The following ITFG1 variants were observed in gnomAD, a reference collection of about 807,000 sequenced individuals.
ITFG1 encodes integrin alpha FG-GAP repeat containing 1.
Under a neutral mutation model 81.8 loss-of-function variants are expected in ITFG1, and 34 were observed. That is an observed-to-expected ratio of 0.42 (90% CI 0.32 to 0.55). ITFG1 has a LOEUF of 0.55. Among genes scored for constraint, ITFG1 ranks in the 20% least tolerant of loss-of-function variants. The pLI, the probability that ITFG1 is intolerant of heterozygous loss-of-function variation, is 0.17. For missense variants in ITFG1, 672 were observed against 755.4 expected (o/e 0.89, Z 1.29); for synonymous variants, 285 against 270.6 (o/e 1.05, Z -0.52).
At chr16:47,299,204 A>ATGCT (rs1967034313) in intron 10 of ITFG1, among the ~76,000 whole-genome samples, 1 of 152,174 alleles carries the variant, frequency 6.6e-6, no homozygotes, top group African/African-American at 2.4e-5. Flanking sequence ...TTAGGCTGCA[A>ATGCT]TGCTGTTTAC....
At chr16:47,286,485 C>G (rs922189667) in intron 10 of ITFG1, among the ~76,000 whole-genome samples, 1 of 151,882 alleles carries the variant, frequency 6.6e-6, no homozygotes, top group Non-Finnish European at 1.5e-5. Flanking sequence ...ACTAAAAATA[C>G]AAAAATTAGC....
intron 8 of ITFG1, among the ~76,000 whole-genome samples, chr16:47,346,557 A>T (rs1967857806): frequency 6.6e-6 from 1 of 152,216 alleles, no homozygotes; most frequent in Non-Finnish European, 1.5e-5. Flanking sequence ...CAAAGAGAAT[A>T]CTTAAAATCA....
intron 14 of ITFG1, among the ~76,000 whole-genome samples, chr16:47,195,474 A>G (rs562218372): frequency 7.9e-5 from 12 of 152,302 alleles, no homozygotes; most frequent in African/African-American, 2.6e-4. Flanking sequence ...GTACACTGCT[A>G]CTATTATTAC....
chr16:47,348,708 A>G (rs1967899346), intron 8 of ITFG1, among the ~76,000 whole-genome samples: 1 of 152,178 alleles, frequency 6.6e-6, no homozygotes, highest in Non-Finnish European at 1.5e-5. Context: ...AAATACAGAG[A>G]ACACCACAAA....
intron 6 of ITFG1, chr16:47,426,015 A>G (rs1215525143): frequency 6.6e-6 from 1 of 152,130 alleles, no homozygotes; most frequent in African/African-American, 2.4e-5. Context: ...TTTACTGGTA[A>G]CATTTGAGTC....
At chr16:47,342,336 T>A (rs1249070990) in intron 8 of ITFG1, among the ~76,000 whole-genome samples, 1 of 152,052 alleles carries the variant, frequency 6.6e-6, no homozygotes, top group Admixed American at 6.6e-5. Context: ...ATAATATCTC[T>A]CAGAAAAATG....
intron 12 of ITFG1, among the ~76,000 whole-genome samples, chr16:47,254,680 A>G (rs1488464558): frequency 6.6e-6 from 1 of 152,200 alleles, no homozygotes; most frequent in Non-Finnish European, 1.5e-5. Context: ...GGAGAACTTG[A>G]TTTGTTTTAA....
At chr16:47,341,400 G>GAAAAAAAAAAAAAAAAAAAAA (rs545419792) in intron 8 of ITFG1, among the ~76,000 whole-genome samples, 4 of 64,358 alleles carry the variant, frequency 6.2e-5, no homozygotes, top group African/African-American at 1.2e-4. Flanking sequence ...CTGCGCCACT[G>GAAAAAAAAAAAAAAAAAAAAA]AAAAAAAAAA....
At chr16:47,197,487 T>C (rs1172209843) in intron 14 of ITFG1, among the ~76,000 whole-genome samples, 2 of 152,242 alleles carry the variant, frequency 1.3e-5, no homozygotes, top group Non-Finnish European at 2.9e-5. Flanking sequence ...CTTACATGTA[T>C]TGCTTTATGT....
At chr16:47,372,150 A>T (rs1318857809) in intron 7 of ITFG1, among the ~76,000 whole-genome samples, 1 of 150,922 alleles carries the variant, frequency 6.6e-6, no homozygotes, top group Non-Finnish European at 1.5e-5. Context: ...GCCATTCTTC[A>T]CTCTTCCTCC....
chr16:47,438,926 C>T (rs868345705), intron 5 of ITFG1, among the ~76,000 whole-genome samples: 4 of 151,676 alleles, frequency 2.6e-5, no homozygotes, highest in Non-Finnish European at 4.4e-5. Flanking sequence ...CAAAGAAGCT[C>T]AAAACTTTGA....
chr16:47,353,996 A>T (rs144310921), intron 8 of ITFG1, among the ~76,000 whole-genome samples: 1 of 152,202 alleles, frequency 6.6e-6, no homozygotes, highest in Non-Finnish European at 1.5e-5. Context: ...CTACAGATTC[A>T]CTGCAATCCC....
At chr16:47,445,247 GAAAAA>G (rs907756228) in intron 5 of ITFG1, among the ~76,000 whole-genome samples, 1 of 30,826 alleles carries the variant, frequency 3.2e-5, no homozygotes, top group Non-Finnish European at 6.8e-5. Flanking sequence ...CTCCGTCTCA[GAAAAA>G]AAAAAAAAAA....
intron 10 of ITFG1, among the ~76,000 whole-genome samples, chr16:47,306,436 T>A (rs1967160304): frequency 6.6e-6 from 1 of 151,980 alleles, no homozygotes; most frequent in Admixed American, 6.6e-5. Context: ...TAAAAACAAC[T>A]TTGGGCCCAA....
intron 10 of ITFG1, among the ~76,000 whole-genome samples, chr16:47,290,425 T>C (rs1966892215): frequency 6.6e-6 from 1 of 152,162 alleles, no homozygotes; most frequent in East Asian, 1.9e-4. Context: ...CTCCATCTAT[T>C]ATTGTATTGA....
chr16:47,373,074 A>C (rs1000633131), intron 7 of ITFG1, among the ~76,000 whole-genome samples: 2 of 152,160 alleles, frequency 1.3e-5, no homozygotes, highest in Non-Finnish European at 2.9e-5. Flanking sequence ...TAGTTTAGAG[A>C]TCAAAGCTCT....
chr16:47,282,457 G>A (rs1037088457), intron 10 of ITFG1, among the ~76,000 whole-genome samples: 2 of 151,972 alleles, frequency 1.3e-5, no homozygotes, highest in Non-Finnish European at 2.9e-5. Flanking sequence ...TGGTGTATAT[G>A]TATATGATAT....
At chr16:47,324,784 C>A (rs1046167847) in intron 8 of ITFG1, among the ~76,000 whole-genome samples, 11 of 152,144 alleles carry the variant, frequency 7.2e-5, no homozygotes, top group African/African-American at 2.7e-4. Flanking sequence ...GAAGAGCTAA[C>A]TATCCTAAAT....
chr16:47,437,283 T>C (rs1969178860), intron 5 of ITFG1, among the ~76,000 whole-genome samples: 1 of 151,834 alleles, frequency 6.6e-6, no homozygotes, highest in Admixed American at 6.6e-5. Context: ...CTGAGCAATA[T>C]AGTGAGATCC....
Sources: gnomAD v4.1 joint callset for allele counts (sites outside exome capture counted in the v4.1 genomes callset) on GRCh38, gnomAD v4.1.1 for gene constraint, MANE v1.5 for transcripts, NCBI Gene and HGNC (gene_info 2026-07-23, HGNC 2026-07-21) for gene names.